TMEM8B: variants seen among roughly 807,000 people sequenced by gnomAD.
The protein encoded by TMEM8B is nasopharyngeal carcinoma expressed 6.
TMEM8B carries 29 observed loss-of-function variants against 49.3 expected under a neutral mutation model. The observed-to-expected ratio is 0.59, with a 90% confidence interval of 0.44 to 0.80. The LOEUF is 0.80. Among genes scored for constraint, TMEM8B ranks in the 30% least tolerant of loss-of-function variants. The pLI is 0.00. For synonymous variants in TMEM8B, 264 were observed against 272.8 expected (o/e 0.97, Z 0.32); for missense variants, 575 against 658.5 (o/e 0.87, Z 1.39).
rs1832590195 is a variant in TMEM8B, at chr9:35,858,387, G to C, written c.*4547G>C. On this transcript the variant is annotated 3_prime_UTR_variant, in exon 13 of 13. Coordinates refer to ENST00000643932, the MANE Select transcript of TMEM8B (RefSeq NM_001042590.4). Reference sequence around the variant, plus strand: ...ATTACAGGTATGAGCCACCACACCTGGCCCACTTTTGCCTTCCAAATCACA... The same window carrying C: ...ATTACAGGTATGAGCCACCACACCTCGCCCACTTTTGCCTTCCAAATCACA... 6.6e-6 allele frequency: 1 copy of C among 152,250 alleles called. No homozygotes were observed. Among genetic ancestry groups the C allele is most frequent in the Non-Finnish European group, 1.5e-5 (1 of 68,160 alleles). The allele number at this position is 152,250 out of a possible 1,614,324, so 9.4% of individuals were successfully genotyped here. A position where few individuals can be genotyped will look rare whatever the true frequency, so the allele number is the denominator to read the frequency against.
chr9:35,837,792 C>G (rs534960066), intron 3 of TMEM8B, among the ~76,000 whole-genome samples: 3 of 152,024 alleles, frequency 2.0e-5, no homozygotes, highest in African/African-American at 7.3e-5. Context: ...CTGTCTTGTC[C>G]CCGGCCTCCA....
At chr9:35,847,444 T>C (rs1729721398) in intron 10 of TMEM8B, among the ~76,000 whole-genome samples, 1 of 152,254 alleles carries the variant, frequency 6.6e-6, no homozygotes, top group African/African-American at 2.4e-5. Context: ...AGCTAGCTAC[T>C]CTGAGCTCCC....
chr9:35,857,189 A>G lies in TMEM8B; in HGVS notation c.*3349A>G, dbSNP rs533059290. 2 of 152,360 alleles carry G rather than the reference A, an allele frequency of 1.3e-5. No homozygotes were observed. Among genetic ancestry groups the G allele is most frequent in the South Asian group, 2.1e-4 (1 of 4,824 alleles). The allele number at this position is 152,360 out of a possible 1,614,324, so 9.4% of individuals were successfully genotyped here. ...ATGTTCTGAAAGCTTCTGAGTGACA[A>G]TTCAGTCCCGCAAACCTTCCATAGG... On this transcript the variant is annotated 3_prime_UTR_variant, in exon 13 of 13. Coordinates refer to ENST00000643932, the MANE Select transcript of TMEM8B (RefSeq NM_001042590.4).
At position 35,864,060 on chromosome 9, in the gene TMEM8B, G is replaced by A. The variant is rs1194455719; in HGVS notation, c.*10220G>A. 6.6e-6 allele frequency: 1 copy of A among 152,212 alleles called. No individual in the cohort carries two copies. Among genetic ancestry groups the A allele is most frequent in the East Asian group, 1.9e-4 (1 of 5,196 alleles). 9.4% of individuals were successfully genotyped at this position (152,212 alleles called of 1,614,324 possible). On this transcript the variant is annotated 3_prime_UTR_variant, in exon 13 of 13. Coordinates refer to ENST00000643932, the MANE Select transcript of TMEM8B (RefSeq NM_001042590.4). ...CTCTTGAGAAGCAGAGTGATGCCTAGAATGAGCCCTGGACTGGGAGGGCAC... is the reference window on the plus strand; with the variant it reads ...CTCTTGAGAAGCAGAGTGATGCCTAAAATGAGCCCTGGACTGGGAGGGCAC...
rs974606112 is a variant in TMEM8B at position 35,856,104 on chromosome 9, G to C, written c.*2264G>C. The C allele has an allele frequency of 3.3e-5, 5 of 152,176 alleles. No homozygotes were observed. The highest frequency in any genetic ancestry group is 7.3e-5 in the Non-Finnish European group (5 of 68,032). The allele number at this position is 152,176 out of a possible 1,614,324, so 9.4% of individuals were successfully genotyped here. ...CTGGGAAGAGGGACATTTGAACTAG[G>C]ATTAGCTGAGTTGCCATGATGCTAA... is the stretch of plus-strand genomic sequence containing the variant. On this transcript the variant is annotated 3_prime_UTR_variant, in exon 13 of 13. Coordinates refer to ENST00000643932, the MANE Select transcript of TMEM8B (RefSeq NM_001042590.4).
intron 10 of TMEM8B, among the ~76,000 whole-genome samples, chr9:35,850,906 A>G (rs971321274): frequency 4.6e-5 from 7 of 152,188 alleles, no homozygotes; most frequent in Non-Finnish European, 7.3e-5. Context: ...AAGTCATAAA[A>G]CAGTATTGGG....
Position 35,853,371 on chromosome 9 carries a change from TG to T in TMEM8B, c.2439+116del. 1 of 1,444,134 alleles carries T rather than the reference TG, an allele frequency of 6.9e-7. No individual in the cohort carries two copies. The highest frequency in any genetic ancestry group is 9.5e-7 in the Non-Finnish European group (1 of 1,052,626). The allele number at this position is 1,444,134 out of a possible 1,614,324, so 89.5% of individuals were successfully genotyped here. A position where few individuals can be genotyped will look rare whatever the true frequency, so the allele number is the denominator to read the frequency against. On this transcript the variant is annotated intron_variant, in intron 12 of 12. Coordinates refer to ENST00000643932, the MANE Select transcript of TMEM8B (RefSeq NM_001042590.4). The surrounding 1 kb of genome is among the most constrained non-coding windows in gnomAD (Gnocchi z 4.2). ...TGGCTCTGTCGTCATCACCTGCTGC[TG>T]GCAGTGTCCGCTCCAGTCTTGGCAG...
intron 1 of TMEM8B, 135 bp from the exon 2 acceptor site, chr9:35,834,326 C>G (rs994627887): frequency 4.0e-5 from 16 of 397,910 alleles, no homozygotes; most frequent in African/African-American, 2.9e-4. Flanking sequence ...GATCTGCAGC[C>G]TGAAACCCAG....
At chr9:35,830,834 GAA>G (rs1041667173) in intron 1 of TMEM8B, among the ~76,000 whole-genome samples, 4 of 152,248 alleles carry the variant, frequency 2.6e-5, no homozygotes, top group African/African-American at 9.6e-5. Flanking sequence ...GACTTGGACA[GAA>G]GAGAGAGAGG....
intron 10 of TMEM8B, among the ~76,000 whole-genome samples, chr9:35,850,149 G>A (rs1019955210): frequency 4.6e-5 from 7 of 152,192 alleles, no homozygotes; most frequent in African/African-American, 7.2e-5. Flanking sequence ...TCCAATCTGG[G>A]CATGGATTAA....
intron 1 of TMEM8B, among the ~76,000 whole-genome samples, chr9:35,832,845 A>C (rs1337288787): frequency 6.6e-6 from 1 of 152,112 alleles, no homozygotes; most frequent in Non-Finnish European, 1.5e-5. Flanking sequence ...TAGGGTTCCT[A>C]GGAAACCCGT....
At chr9:35,838,590 A>G (rs1215614008) in intron 3 of TMEM8B, among the ~76,000 whole-genome samples, 1 of 152,174 alleles carries the variant, frequency 6.6e-6, no homozygotes, top group Non-Finnish European at 1.5e-5. Context: ...TGAATCTCAG[A>G]CTATATCCCA....
Position 35,842,331 on chromosome 9 carries a change from A to G in TMEM8B, c.1310-61A>G, listed in dbSNP as rs1230508228. ...AATCCTGTCTAGCTCAGATGTGTTT[A>G]TGAGTAAGTTCAGGACTGTAAAGGC... On this transcript the variant is annotated intron_variant, in intron 5 of 12. Coordinates refer to ENST00000643932, the MANE Select transcript of TMEM8B (RefSeq NM_001042590.4). The surrounding 1 kb of genome is among the most constrained non-coding windows in gnomAD (Gnocchi z 5.6). The G allele has an allele frequency of 3.1e-6, 4 of 1,273,942 alleles. No individual in the cohort carries two copies. In the Admixed American group the frequency reaches 1.2e-4, roughly 38 times the overall value. The allele number at this position is 1,273,942 out of a possible 1,614,324, so 78.9% of individuals were successfully genotyped here.
intron 1 of TMEM8B, among the ~76,000 whole-genome samples, chr9:35,833,550 G>T (rs893466987): frequency 6.6e-6 from 1 of 152,144 alleles, no homozygotes; most frequent in Non-Finnish European, 1.5e-5. Context: ...TGACAATCAT[G>T]ATCAGGTATC....
chr9:35,847,067 C>G (rs1831670434), intron 10 of TMEM8B, 72 bp downstream of exon 10: 1 of 1,614,188 alleles, frequency 6.2e-7, no homozygotes. Flanking sequence ...GTATTTCCAC[C>G]ACGTTCTCCG....
rs377460934 is a variant in TMEM8B at position 35,834,031 on chromosome 9, T to TACACACACACACACAC, written c.509-405_509-390dup. 2.0e-4 allele frequency among the ~76,000 whole-genome samples: 27 copies of TACACACACACACACAC among 138,408 alleles called. 1 individual carries two copies. Among genetic ancestry groups the TACACACACACACACAC allele is most frequent in the East Asian group, 1.8e-3 (8 of 4,546 alleles). 90.8% of individuals were successfully genotyped at this position (138,408 alleles called of 152,430 possible). A position where few individuals can be genotyped will look rare whatever the true frequency, so the allele number is the denominator to read the frequency against. On this transcript the variant is annotated intron_variant, in intron 1 of 12. Coordinates refer to ENST00000643932, the MANE Select transcript of TMEM8B (RefSeq NM_001042590.4). ...AGTGGCTTAAGACGCCATGCCAAAA[T>TACACACACACACACAC]ACACACACACACACACACACACACA...
At chr9:35,835,368 G>T (rs1830342528) in intron 3 of TMEM8B, 150 bp downstream of exon 3, 1 of 399,644 alleles carries the variant, frequency 2.5e-6, no homozygotes, top group Non-Finnish European at 4.4e-6. Context: ...AAGGCCAGCA[G>T]GTCACCCAGT....
chr9:35,842,815 C>A lies in TMEM8B; in HGVS notation c.1635+98C>A. On this transcript the variant is annotated intron_variant, in intron 6 of 12. Transcript: ENST00000643932. This position sits in a 1 kb window ranked among gnomAD's most constrained non-coding sequence, Gnocchi z 5.6. ...TGTTTACCTCCTCCAGGAAGCCTGTCCAGGTTGCTCCCACCCATCCTGACA... is the reference window on the plus strand; with the variant it reads ...TGTTTACCTCCTCCAGGAAGCCTGTACAGGTTGCTCCCACCCATCCTGACA... The A allele has an allele frequency of 7.6e-7, 1 of 1,318,160 alleles. No homozygotes were observed. Among genetic ancestry groups the A allele is most frequent in the East Asian group, 2.6e-5 (1 of 39,158 alleles). The allele number at this position is 1,318,160 out of a possible 1,614,324, so 81.7% of individuals were successfully genotyped here.
Position 35,853,105 on chromosome 9 carries a change from C to T in TMEM8B, c.2323-36C>T, listed in dbSNP as rs550827368. On this transcript the variant is annotated intron_variant, in intron 11 of 12. Coordinates refer to ENST00000643932, the MANE Select transcript of TMEM8B (RefSeq NM_001042590.4). This position sits in a 1 kb window ranked among gnomAD's most constrained non-coding sequence, Gnocchi z 4.2. ...CAGGCCCTGGAGTGCTGTCTGTCAC[C>T]TGGCCCTAGCCCAGCCCTTGAGTCT... 9.3e-6 allele frequency: 15 copies of T among 1,609,798 alleles called. No homozygotes were observed. The highest frequency in any genetic ancestry group is 2.7e-5 in the African/African-American group (2 of 74,844).
Sources: allele counts gnomAD v4.1 joint callset (sites outside exome capture counted in the v4.1 genomes callset), GRCh38; gene constraint gnomAD v4.1.1; non-coding constraint Gnocchi (gnomAD v3.1); transcripts MANE v1.5; gene names NCBI Gene and HGNC (gene_info 2026-07-23, HGNC 2026-07-21).